Variants in SHANK1 observed in about 807,000 individuals in gnomAD.
SHANK1 encodes SH3 and multiple ankyrin repeat domains protein 1.
SHANK1 carries 35 observed loss-of-function variants against 165.6 expected under a neutral mutation model. The ratio of observed to expected loss-of-function variants is 0.21; its 90% confidence interval spans 0.16 to 0.28. The LOEUF (loss-of-function observed/expected upper bound fraction) is 0.28, where lower values mean the gene tolerates loss of function less well. Among genes scored for constraint, SHANK1 ranks in the 10% least tolerant of loss-of-function variants. The pLI, the probability that SHANK1 is intolerant of heterozygous loss-of-function variation, is 1.00. For synonymous variants in SHANK1, 1,428 were observed against 1,384.8 expected (o/e 1.03, Z -0.69); for missense variants, 2,681 against 3,036.4 (o/e 0.88, Z 2.75).
chr19:50,681,544 T>C (rs1986180331), intron 21 of SHANK1, among the ~76,000 whole-genome samples: 1 of 152,164 alleles, frequency 6.6e-6, no homozygotes, highest in South Asian at 2.1e-4. Context: ...GTCCTGTAAC[T>C]GGGTTCGTGC....
intron 21 of SHANK1, among the ~76,000 whole-genome samples, chr19:50,680,773 A>G (rs1042808851): frequency 2.3e-4 from 35 of 151,446 alleles, no homozygotes; most frequent in Non-Finnish European, 5.9e-5. Context: ...CTCCTGTCCC[A>G]TGCTCCCGAG....
In SHANK1 at chr19:50,688,733, A is replaced by G. The variant is rs1436751212; in HGVS notation, c.2172+111T>C. ...CTGGGGGGTGGGCAGGGGGCTGGGA[A>G]TCCTGGTGCCAAAGGAGAATAAAAC... On this transcript the variant is annotated intron_variant, in intron 17 of 23. Coordinates refer to ENST00000293441, the MANE Select transcript of SHANK1 (RefSeq NM_016148.5). This position sits in a 1 kb window ranked among gnomAD's most constrained non-coding sequence, Gnocchi z 6.7. The G allele has an allele frequency of 1.8e-6, 2 of 1,131,566 alleles. No individual in the cohort carries two copies. The highest frequency in any genetic ancestry group is 2.5e-6 in the Non-Finnish European group (2 of 798,628). The allele number at this position is 1,131,566 out of a possible 1,614,324, so 70.1% of individuals were successfully genotyped here.
At position 50,666,457 on chromosome 19, in the gene SHANK1, G is replaced by A. The variant is rs766911657; in HGVS notation, c.5503C>T (p.Arg1835Trp). The A allele has an allele frequency of 3.0e-5, 48 of 1,606,730 alleles. No homozygotes were observed. The highest frequency in any genetic ancestry group is 4.0e-5 in the Non-Finnish European group (47 of 1,177,952). The change falls in exon 23 of 24, where the codon CGG becomes TGG. Residue 1835 changes from arginine (R) to tryptophan (W), a missense_variant. Coordinates refer to ENST00000293441, the MANE Select transcript of SHANK1 (RefSeq NM_016148.5). ...CCCTCCTCCCAGGGCAGCAGCTTCC[G>A]GGGCAGAGAGGAGGCCGTCGGCAAG... ...VPLPTASSLP[R>W]KLLPWEEGPG...
chr19:50,697,014 C>T lies in SHANK1; in HGVS notation c.1964+82G>A, dbSNP rs1184202939. On this transcript the variant is annotated intron_variant, in intron 15 of 23. Coordinates refer to ENST00000293441, the MANE Select transcript of SHANK1 (RefSeq NM_016148.5). This position sits in a 1 kb window ranked among gnomAD's most constrained non-coding sequence, Gnocchi z 4.7. ...CACACCAAGAAACCTCAGCTCTGGTCGTGCACACACGTTCACACGCCCCCC... is the reference window on the plus strand; with the variant it reads ...CACACCAAGAAACCTCAGCTCTGGTTGTGCACACACGTTCACACGCCCCCC... The T allele has an allele frequency of 2.1e-5, 24 of 1,141,904 alleles. No individual in the cohort carries two copies. The Admixed American group carries it at 2.2e-4, about 11-fold the overall frequency. The allele number at this position is 1,141,904 out of a possible 1,614,324, so 70.7% of individuals were successfully genotyped here. A position where few individuals can be genotyped will look rare whatever the true frequency, so the allele number is the denominator to read the frequency against.
At chr19:50,671,180 C>CT (rs35076465) in intron 22 of SHANK1, among the ~76,000 whole-genome samples, 50,670 of 76,744 alleles carry the variant, frequency 0.66, 19,220 homozygotes, top group Admixed American at 0.71. Flanking sequence ...TTTTTTCACT[C>CT]TTTTTTTTTT....
chr19:50,666,646 G>C lies in SHANK1; in HGVS notation c.5314C>G (p.Pro1772Ala), dbSNP rs1160142892. 1.3e-6 allele frequency: 2 copies of C among 1,594,182 alleles called. No homozygotes were observed. Among genetic ancestry groups the C allele is most frequent in the African/African-American group, 2.7e-5 (2 of 74,892 alleles). Reference sequence around the variant, plus strand: ...ACAGGGTCTCGGAGTCCCCCGCTGGGGCCAGGCCGCAGGCCTCCGCTGGCT... The same window carrying C: ...ACAGGGTCTCGGAGTCCCCCGCTGGCGCCAGGCCGCAGGCCTCCGCTGGCT... ...LGASGGLRPG[P>A]SGGLRDPVTP... The change falls in exon 23 of 24, where the codon CCC becomes GCC. Residue 1772 changes from proline to alanine, a missense_variant. Physicochemically the swap from Pro to Ala is conservative, Grantham distance 27. This residue lies in a region of SHANK1 where 1,713 missense variants were observed against 1,630.2 expected (regional missense o/e 1.05). Transcript: ENST00000293441.
rs530485688 is a variant in SHANK1 at position 50,662,517 on chromosome 19, C to T, written c.5934G>A (p.Thr1978=). The part of the protein sequence containing the change: ...ATSPSASSSS[T]STRHLQGVEF... ...CCACGCCCTGGAGGTGGCGGGTGGA[C>T]GTGGAGGAGGAGGAGGCTGAGGGTG... The change falls in exon 24 of 24, where the codon ACG becomes ACA. Residue 1978 remains threonine, a synonymous_variant. Transcript: ENST00000293441. The surrounding 1 kb of genome is among the most constrained non-coding windows in gnomAD (Gnocchi z 7.7). 142 of 1,558,192 alleles carry T rather than the reference C, an allele frequency of 9.1e-5. No individual in the cohort carries two copies. The highest frequency in any genetic ancestry group is 4.7e-4 in the South Asian group (40 of 84,578).
At position 50,702,233 on chromosome 19, in the gene SHANK1, C is replaced by T. The variant is rs748090596; in HGVS notation, c.1747+234G>A. ...TGAGAAGTTCCAGCCATGCCCTGCACACGGCATCAGTGTCCCGCAGTGGGA... is the reference window on the plus strand; with the variant it reads ...TGAGAAGTTCCAGCCATGCCCTGCATACGGCATCAGTGTCCCGCAGTGGGA... On this transcript the variant is annotated intron_variant, in intron 12 of 23. Coordinates refer to ENST00000293441, the MANE Select transcript of SHANK1 (RefSeq NM_016148.5). This position sits in a 1 kb window ranked among gnomAD's most constrained non-coding sequence, Gnocchi z 5.3. 2.2e-4 allele frequency among the ~76,000 whole-genome samples: 34 copies of T among 152,174 alleles called. No homozygotes were observed. Among genetic ancestry groups the T allele is most frequent in the Non-Finnish European group, 4.3e-4 (29 of 68,028 alleles).
chr19:50,702,515 C>A lies in SHANK1; in HGVS notation c.1699G>T (p.Ala567Ser). 6.2e-7 allele frequency: 1 copy of A among 1,613,294 alleles called. No individual in the cohort carries two copies. Among genetic ancestry groups the A allele is most frequent in the Non-Finnish European group, 8.5e-7 (1 of 1,179,882 alleles). Residue 567 changes from alanine (A) to serine (S), a missense_variant, in exon 12 of 24, where the codon GCC (alanine) becomes TCC (serine). By Grantham distance (99) the Ala-to-Ser change is moderately conservative. Coordinates refer to ENST00000293441, the MANE Select transcript of SHANK1 (RefSeq NM_016148.5). The surrounding 1 kb of genome is among the most constrained non-coding windows in gnomAD (Gnocchi z 5.3). ...RSFMAVKSYQ[A>S]QAEGEISLSK... ...AGGGAGATCTCCCCCTCGGCTTGGG[C>A]CTGGTAGGACTTCACAGCCATGAAG... is the stretch of plus-strand genomic sequence containing the variant.
rs758391577 is a variant in SHANK1, at chr19:50,666,872, C to A, written c.5088G>T (p.Thr1696=). The A allele has an allele frequency of 1.3e-6, 2 of 1,577,122 alleles. No individual in the cohort carries two copies. Among genetic ancestry groups the A allele is most frequent in the East Asian group, 4.6e-5 (2 of 43,130 alleles). The change falls in exon 23 of 24, where the codon ACG becomes ACT. Residue 1696 remains threonine, a synonymous_variant. Coordinates refer to ENST00000293441, the MANE Select transcript of SHANK1 (RefSeq NM_016148.5). ...CACCTTCGGCAGATAGGCTGCTCAG[C>A]GTGGAGGCGCTGCTGATGGTCTCCA... The part of the protein sequence containing the change: ...HPLETISSAS[T]LSSLSAEGGG...
At position 50,696,337 on chromosome 19, in the gene SHANK1, T is replaced by G. The variant is rs547521628; in HGVS notation, c.1964+759A>C. On this transcript the variant is annotated intron_variant, in intron 15 of 23. Coordinates refer to ENST00000293441, the MANE Select transcript of SHANK1 (RefSeq NM_016148.5). ...CGCGCCAGGCAAACACGCACAACGG[T>G]CAAGCGCCTCAGACACTCGGGGCGC... is the stretch of plus-strand genomic sequence containing the variant. Among the ~76,000 whole-genome samples the G allele has an allele frequency of 7.2e-5, 11 of 151,960 alleles. No individual in the cohort carries two copies. In the South Asian group the frequency reaches 2.1e-3, roughly 29 times the overall value.
intron 8 of SHANK1, among the ~76,000 whole-genome samples, chr19:50,705,534 G>A (rs1478528763): frequency 3.3e-5 from 5 of 152,270 alleles, no homozygotes; most frequent in East Asian, 3.9e-4. Flanking sequence ...TGTTGGGGCC[G>A]GATAATCCTT....
At chr19:50,676,425 G>A (rs1345745447) in intron 21 of SHANK1, among the ~76,000 whole-genome samples, 1 of 152,154 alleles carries the variant, frequency 6.6e-6, no homozygotes, top group Non-Finnish European at 1.5e-5. Flanking sequence ...CCAGGCAGGT[G>A]GAACAGCAGG....
In SHANK1 at chr19:50,660,523, A is replaced by AT. The variant is rs772452552; in HGVS notation, c.*1441dup. ...CCGCAAGAGCTGCTTGTCAACAGGA[A>AT]TAAAAAATAAGCGTGTCAGGAAAAG... On this transcript the variant is annotated 3_prime_UTR_variant, in exon 24 of 24. Coordinates refer to ENST00000293441, the MANE Select transcript of SHANK1 (RefSeq NM_016148.5). Among the ~76,000 whole-genome samples the AT allele has an allele frequency of 4.6e-5, 7 of 151,882 alleles. No individual in the cohort carries two copies. Among genetic ancestry groups the AT allele is most frequent in the Non-Finnish European group, 7.4e-5 (5 of 68,016 alleles).
At position 50,669,057 on chromosome 19, in the gene SHANK1, G is replaced by A. The variant is rs1383864404; in HGVS notation, c.2903C>T (p.Ala968Val). ...GGGAGGGGAGGGCCCGTCAAAGGAT[G>A]CAGGGGAGGAGGCGGGGAGGGGGCC... Reference protein sequence around the residue: ...SGGPLPASSPASFDGPSPPDT... With the variant: ...SGGPLPASSPVSFDGPSPPDT... The change falls in exon 23 of 24, where the codon GCA becomes GTA. Residue 968 changes from alanine (A) to valine (V), a missense_variant. Around this residue, in one of 10 missense-constraint regions of SHANK1, gnomAD observed 1,713 missense variants for 1,630.2 expected, o/e 1.05. Transcript: ENST00000293441. 4.8e-6 allele frequency: 5 copies of A among 1,034,550 alleles called. No individual in the cohort carries two copies. In the Admixed American group the frequency reaches 1.3e-4, roughly 28 times the overall value. The allele number at this position is 1,034,550 out of a possible 1,614,324, so 64.1% of individuals were successfully genotyped here.
rs2123211476 is a variant in SHANK1 at position 50,717,708 on chromosome 19, G to GTGC, written c.-43-749_-43-747dup. Reference sequence around the variant, plus strand: ...GTAGGTGGGGAGGTCGGCCTGGGGAGTGCTGTCCAGGTGACAGTGGTGTGG... The same window carrying GTGC: ...GTAGGTGGGGAGGTCGGCCTGGGGAGTGCTGCTGTCCAGGTGACAGTGGTGTGG... On this transcript the variant is annotated intron_variant, in intron 1 of 23. Coordinates refer to ENST00000293441, the MANE Select transcript of SHANK1 (RefSeq NM_016148.5). The surrounding 1 kb of genome is among the most constrained non-coding windows in gnomAD (Gnocchi z 5.5). Among the ~76,000 whole-genome samples, 1 of 152,206 alleles carries GTGC rather than the reference G, an allele frequency of 6.6e-6. No homozygotes were observed. The highest frequency in any genetic ancestry group is 1.9e-4 in the East Asian group (1 of 5,170).
Position 50,668,586 on chromosome 19 carries a change from C to T in SHANK1, c.3374G>A (p.Gly1125Asp), listed in dbSNP as rs760249727. ...KVEGEPQKGG[G>D]LPPAPSPTSP... ...CGTGGGCGACGGCGCGGGCGGGAGG[C>T]CGCCGCCCTTCTGGGGCTCGCCTTC... The change falls in exon 23 of 24, where the codon GGC (glycine) becomes GAC (aspartate). Residue 1125 changes from glycine (G) to aspartate (D), a missense_variant. Physicochemically the swap from Gly to Asp is moderately conservative, Grantham distance 94. Transcript: ENST00000293441. 1 of 1,350,598 alleles carries T rather than the reference C, an allele frequency of 7.4e-7. No individual in the cohort carries two copies. The highest frequency in any genetic ancestry group is 1.9e-5 in the South Asian group (1 of 52,284). The allele number at this position is 1,350,598 out of a possible 1,614,324, so 83.7% of individuals were successfully genotyped here. A position where few individuals can be genotyped will look rare whatever the true frequency, so the allele number is the denominator to read the frequency against.
chr19:50,662,338 G>A lies in SHANK1; in HGVS notation c.6113C>T (p.Ser2038Phe). ...LYPGLFDIRG[S>F]PTGGAGGSAD... is the part of the protein sequence containing the mutation. ...CGAGCCTCCTGCCCCTCCAGTTGGG[G>A]AGCCACGGATGTCAAAGAGGCCTGG... Residue 2038 changes from serine to phenylalanine, a missense_variant, in exon 24 of 24, where the codon TCC becomes TTC. Coordinates refer to ENST00000293441, the MANE Select transcript of SHANK1 (RefSeq NM_016148.5). This position sits in a 1 kb window ranked among gnomAD's most constrained non-coding sequence, Gnocchi z 7.7. 6.2e-7 allele frequency: 1 copy of A among 1,603,804 alleles called. No individual in the cohort carries two copies. Among genetic ancestry groups the A allele is most frequent in the African/African-American group, 1.3e-5 (1 of 74,798 alleles).
chr19:50,706,245 A>G (rs1009635702), intron 8 of SHANK1, among the ~76,000 whole-genome samples: 11 of 152,198 alleles, frequency 7.2e-5, no homozygotes, highest in African/African-American at 2.6e-4. Flanking sequence ...TCTGACTCCA[A>G]AGTCTTCTAT....
Sources: allele counts gnomAD v4.1 joint callset (sites outside exome capture counted in the v4.1 genomes callset), GRCh38; gene constraint gnomAD v4.1.1; regional missense constraint gnomAD v4.1.1; non-coding constraint Gnocchi (gnomAD v3.1); transcripts MANE v1.5; gene names NCBI Gene and HGNC (gene_info 2026-07-23, HGNC 2026-07-21).